Variants in SNW1 observed in about 807,000 individuals in gnomAD.
The protein encoded by SNW1 is SNW domain containing 1, also known as SNW domain-containing protein 1.
A neutral mutation model predicts 75.6 loss-of-function variants in SNW1; 9 were observed. That is an observed-to-expected ratio of 0.12 (90% confidence interval 0.07 to 0.21). SNW1 has a LOEUF of 0.21. Ranked by LOEUF, SNW1 falls within the 10% of genes least tolerant of loss-of-function variation. SNW1 has a pLI of 1.00. For missense variants in SNW1, 409 were observed against 670.9 expected (o/e 0.61, Z 4.31); for synonymous variants, 200 against 219.1 (o/e 0.91, Z 0.77).
chr14:77,757,467 C>T (rs2080850346), intron 1 of SNW1, among the ~76,000 whole-genome samples: 1 of 152,130 alleles, frequency 6.6e-6, no homozygotes, highest in Non-Finnish European at 1.5e-5. Flanking sequence ...TCATAAGGTT[C>T]TTATAAGTAT....
chr14:77,728,407 C>A (rs1158101198), intron 10 of SNW1, among the ~76,000 whole-genome samples: 1 of 152,066 alleles, frequency 6.6e-6, no homozygotes, highest in Non-Finnish European at 1.5e-5. Flanking sequence ...GCTGAGATTG[C>A]ATCATTACAC....
chr14:77,738,704 G>T, intron 5 of SNW1, 74 bp downstream of exon 5: 1 of 1,050,586 alleles, frequency 9.5e-7, no homozygotes, highest in Non-Finnish European at 1.5e-6. Context: ...AAGTGGGTTA[G>T]TGAAAGAATA....
intron 1 of SNW1, 116 bp from the exon 2 acceptor site, chr14:77,755,236 G>A (rs2080835441): frequency 5.6e-6 from 5 of 894,224 alleles, no homozygotes; most frequent in African/African-American, 1.7e-5. Context: ...TTCAGAAAAA[G>A]AGCAGATTTT....
intron 12 of SNW1, among the ~76,000 whole-genome samples, chr14:77,718,900 A>T (rs1310279262): frequency 6.6e-6 from 1 of 152,122 alleles, no homozygotes. Context: ...TAGTAGAGAC[A>T]GAGTTTCACC....
intron 2 of SNW1, among the ~76,000 whole-genome samples, chr14:77,751,805 G>GAC (rs61135876): frequency 0.028 from 3,912 of 139,490 alleles, 83 homozygotes; most frequent in African/African-American, 0.048. Flanking sequence ...GTCATGGGAA[G>GAC]ACACACACAC....
At chr14:77,746,718 A>G (rs1345822240) in intron 3 of SNW1, among the ~76,000 whole-genome samples, 1 of 152,206 alleles carries the variant, frequency 6.6e-6, no homozygotes. Context: ...AAGTAGACTT[A>G]TATGTACTAA....
chr14:77,760,917 C>T, intron 1 of SNW1, 197 bp downstream of exon 1: 3 of 1,283,508 alleles, frequency 2.3e-6, no homozygotes, highest in Non-Finnish European at 3.3e-6. Flanking sequence ...TGAACTAAAC[C>T]CGGGAAACCG....
At chr14:77,760,883 C>A in intron 1 of SNW1, 1 of 901,226 alleles carries the variant, frequency 1.1e-6, no homozygotes, top group Non-Finnish European at 1.8e-6. Flanking sequence ...GACCACTCCG[C>A]AGCTTTCGGC....
chr14:77,740,157 AAGAG>A (rs201162197), intron 3 of SNW1, among the ~76,000 whole-genome samples: 7,322 of 113,910 alleles, frequency 0.064, 711 homozygotes, highest in Middle Eastern at 0.11. Flanking sequence ...AAAAAAAAAA[AAGAG>A]AGAGATACAG....
At chr14:77,722,698 G>A in intron 11 of SNW1, 1 of 360,622 alleles carries the variant, frequency 2.8e-6, no homozygotes, top group Non-Finnish European at 5.4e-6. Flanking sequence ...AGACAAAGTA[G>A]TTAAGTACAA....
rs751323830 is a variant in SNW1 at position 77,737,075 on chromosome 14, T to C, written c.534A>G (p.Arg178=). The stretch of plus-strand genomic sequence containing the variant: ...CCACTCCTTGCTGAGATGGTGTGTA[T>C]CTGAAGAAAGCAGATAAAAACTAAA... ...ADKLAPAQYI[R]YTPSQQGVAF... Residue 178 remains arginine, a splice_region_variant and synonymous_variant, in exon 6 of 14, where the codon CGA becomes CGG. Transcript: ENST00000261531. The C allele has an allele frequency of 1.2e-6, 2 of 1,610,408 alleles. No individual in the cohort carries two copies. Among genetic ancestry groups the C allele is most frequent in the African/African-American group, 1.3e-5 (1 of 74,864 alleles).
At chr14:77,751,791 A>G (rs914025726) in intron 2 of SNW1, among the ~76,000 whole-genome samples, 1 of 147,150 alleles carries the variant, frequency 6.8e-6, no homozygotes, top group African/African-American at 2.5e-5. Context: ...ATGATTAGAA[A>G]GCAGTCATGG....
At chr14:77,740,948 T>A (rs906326947) in intron 3 of SNW1, among the ~76,000 whole-genome samples, 11 of 151,452 alleles carry the variant, frequency 7.3e-5, no homozygotes, top group African/African-American at 2.7e-4. Context: ...AACAGAAAAA[T>A]TAACCAGGCA....
In SNW1 at chr14:77,751,346, A is replaced by G; in HGVS notation, c.303T>C (p.Ile101=). Residue 101 remains isoleucine (I), a synonymous_variant, in exon 3 of 14, where the codon ATT becomes ATC. Coordinates refer to ENST00000261531, the MANE Select transcript of SNW1 (RefSeq NM_012245.3). ...DSEGKIKYDA[I]ARQGQSKDKV... ...TGTCTTTTGACTGTCCTTGTCGAGCAATTGCATCATATTTAATTTTTCCTT... is the reference window on the plus strand; with the variant it reads ...TGTCTTTTGACTGTCCTTGTCGAGCGATTGCATCATATTTAATTTTTCCTT... The G allele has an allele frequency of 6.2e-7, 1 of 1,613,498 alleles. No homozygotes were observed. Among genetic ancestry groups the G allele is most frequent in the Non-Finnish European group, 8.5e-7 (1 of 1,179,810 alleles).
chr14:77,720,705 T>G lies in SNW1; in HGVS notation c.1248+6A>C. On this transcript the variant is annotated splice_donor_region_variant and intron_variant, in intron 12 of 13. Transcript: ENST00000261531. ...CACACACAATATGCTGTTCCTAAAC[T>G]TGTACCTTGGATTGGTTGAAGAGCC... 1 of 1,577,484 alleles carries G rather than the reference T, an allele frequency of 6.3e-7. No homozygotes were observed. The highest frequency in any genetic ancestry group is 8.7e-7 in the Non-Finnish European group (1 of 1,146,818).
intron 1 of SNW1, among the ~76,000 whole-genome samples, chr14:77,755,865 A>C (rs1052107121): frequency 2.6e-5 from 4 of 151,848 alleles, no homozygotes; most frequent in Non-Finnish European, 5.9e-5. Flanking sequence ...CACCCTCCCA[A>C]GTAGCTGGGA....
rs560760783 is a variant in SNW1, at chr14:77,719,724, T to C, written c.1248+987A>G. Among the ~76,000 whole-genome samples, 6 of 152,348 alleles carry C rather than the reference T, an allele frequency of 3.9e-5. No individual in the cohort carries two copies. The South Asian group carries it at 1.2e-3, about 32-fold the overall frequency. On this transcript the variant is annotated intron_variant, in intron 12 of 13. Transcript: ENST00000261531. The stretch of plus-strand genomic sequence containing the variant: ...TTCCATCAGTCACAAGCTAAACCTG[T>C]GTTTCAATTTCCTCATCTATAACAT...
intron 1 of SNW1, among the ~76,000 whole-genome samples, chr14:77,757,285 T>C (rs2080848386): frequency 1.3e-5 from 2 of 151,524 alleles, no homozygotes; most frequent in South Asian, 2.1e-4. Context: ...GATGGAAAAA[T>C]ATAGATGCTA....
intron 10 of SNW1, among the ~76,000 whole-genome samples, chr14:77,727,251 A>G (rs567875338): frequency 6.6e-6 from 1 of 152,052 alleles, no homozygotes; most frequent in African/African-American, 2.4e-5. Flanking sequence ...ACGGGGTTTC[A>G]TCATGTTGGC....
Sources: gnomAD v4.1 joint callset for allele counts (sites outside exome capture counted in the v4.1 genomes callset) on GRCh38, gnomAD v4.1.1 for gene constraint, MANE v1.5 for transcripts, NCBI Gene and HGNC (gene_info 2026-07-23, HGNC 2026-07-21) for gene names.